The following CLNK variants were observed in gnomAD, a reference collection of about 807,000 sequenced individuals.
The protein encoded by CLNK is cytokine-dependent hematopoietic cell linker.
CLNK carries 74 observed loss-of-function variants against 68.6 expected under a neutral mutation model. The observed-to-expected ratio is 1.08, with a 90% CI of 0.89 to 1.31. The LOEUF (loss-of-function observed/expected upper bound fraction) is 1.31, where lower values mean the gene tolerates loss of function less well. Ranked by LOEUF, CLNK falls within the 50% of genes most tolerant of loss-of-function variation. CLNK has a pLI of 0.00. For missense variants in CLNK, 553 were observed against 515.3 expected, an observed-to-expected ratio of 1.07 and a Z score of -0.71; for synonymous variants, 198 against 172.2, an observed-to-expected ratio of 1.15 and a Z score of -1.17.
At chr4:10,699,295 C>CACACATACACACCACGTATGTGTGTAT in the CLNK span, among the ~76,000 whole-genome samples, 2 of 80,566 alleles carry the variant, frequency 2.5e-5, no homozygotes, top group South Asian at 3.9e-4. Flanking sequence ...CGTGTATACA[C>CACACATACACACCACGTATGTGTGTAT]ACACACACCA....
At chr4:10,534,387 A>T (rs1718660670) in intron 11 of CLNK, among the ~76,000 whole-genome samples, 1 of 152,208 alleles carries the variant, frequency 6.6e-6, no homozygotes, top group Non-Finnish European at 1.5e-5. Flanking sequence ...TCCTATGCAT[A>T]AGAGGTCCTC....
chr4:10,657,742 C>G (rs1027807443), intron 2 of CLNK, among the ~76,000 whole-genome samples: 1 of 152,158 alleles, frequency 6.6e-6, no homozygotes, highest in African/African-American at 2.4e-5. Flanking sequence ...TCCAGACGGC[C>G]AACACAGGAT....
At chr4:10,498,240 C>A (rs1207487136) in intron 18 of CLNK, among the ~76,000 whole-genome samples, 2 of 152,090 alleles carry the variant, frequency 1.3e-5, no homozygotes, top group African/African-American at 4.8e-5. Context: ...GCCTGTAATC[C>A]CAGCACTCTG....
intron 2 of CLNK, among the ~76,000 whole-genome samples, chr4:10,660,144 C>A (rs1017117781): frequency 3.3e-5 from 5 of 152,198 alleles, no homozygotes; most frequent in Non-Finnish European, 5.9e-5. Context: ...GTTTAGTTCA[C>A]AATATTTCCT....
the CLNK span, among the ~76,000 whole-genome samples, chr4:10,695,486 CA>C: frequency 1.3e-5 from 2 of 152,220 alleles, no homozygotes; most frequent in Non-Finnish European, 2.9e-5. Context: ...TGGCCAACTC[CA>C]AGCCCTTCCA....
At chr4:10,522,114 C>T (rs1256957596) in intron 14 of CLNK, among the ~76,000 whole-genome samples, 1 of 151,564 alleles carries the variant, frequency 6.6e-6, no homozygotes, top group Non-Finnish European at 1.5e-5. Flanking sequence ...AAAAATTAGC[C>T]GGGCATGGTG....
At chr4:10,588,708 A>G (rs1560230500) in intron 3 of CLNK, among the ~76,000 whole-genome samples, 1 of 152,238 alleles carries the variant, frequency 6.6e-6, no homozygotes, top group Non-Finnish European at 1.5e-5. Context: ...ATGAGGTTGG[A>G]TATAAGTATA....
At chr4:10,500,023 G>A (rs1427823920) in intron 18 of CLNK, among the ~76,000 whole-genome samples, 8 of 152,132 alleles carry the variant, frequency 5.3e-5, no homozygotes, top group East Asian at 1.9e-4. Flanking sequence ...AGGGAGGCAC[G>A]ATTCAGCCTA....
chr4:10,490,656 T>C (rs773251936), intron 18 of CLNK, 43 bp from the exon 19 acceptor site: 9 of 1,514,820 alleles, frequency 5.9e-6, no homozygotes, highest in African/African-American at 2.8e-5. Context: ...AAAATATCTT[T>C]TGTGTCTGTA....
intron 17 of CLNK, among the ~76,000 whole-genome samples, chr4:10,505,013 A>G (rs1362053479): frequency 6.6e-6 from 1 of 152,188 alleles, no homozygotes; most frequent in Non-Finnish European, 1.5e-5. Flanking sequence ...TGACATGCAT[A>G]TTGCTTTTCC....
At chr4:10,733,153 C>T in the CLNK span, among the ~76,000 whole-genome samples, 1 of 152,094 alleles carries the variant, frequency 6.6e-6, no homozygotes, top group African/African-American at 2.4e-5. Flanking sequence ...CCACAGCTTC[C>T]TGTCTCCTCA....
chr4:10,696,494 A>G, the CLNK span, among the ~76,000 whole-genome samples: 1 of 152,172 alleles, frequency 6.6e-6, no homozygotes, highest in East Asian at 1.9e-4. Flanking sequence ...ACGGCAGTCT[A>G]GGGGAGCTGA....
At chr4:10,496,835 A>G (rs1229378192) in intron 18 of CLNK, among the ~76,000 whole-genome samples, 1 of 152,254 alleles carries the variant, frequency 6.6e-6, no homozygotes, top group African/African-American at 2.4e-5. Context: ...GGCGAACACC[A>G]AGTAACCAAT....
chr4:10,697,410 A>T, the CLNK span: 1 of 152,016 alleles, frequency 6.6e-6, no homozygotes, highest in Non-Finnish European at 1.5e-5. Context: ...AATGAGGAAG[A>T]CTCTGCTGGA....
chr4:10,552,477 A>G (rs530795152), intron 8 of CLNK, among the ~76,000 whole-genome samples: 1 of 152,126 alleles, frequency 6.6e-6, no homozygotes, highest in South Asian at 2.1e-4. Context: ...CTTTGGAGAT[A>G]TCTTTCCCAG....
intron 4 of CLNK, among the ~76,000 whole-genome samples, chr4:10,582,246 T>A (rs1269627235): frequency 6.6e-6 from 1 of 152,182 alleles, no homozygotes; most frequent in East Asian, 1.9e-4. Flanking sequence ...CATTGCAGCA[T>A]CTGGAAACAG....
At chr4:10,609,346 A>G (rs986302439) in intron 2 of CLNK, among the ~76,000 whole-genome samples, 1 of 152,240 alleles carries the variant, frequency 6.6e-6, no homozygotes, top group Non-Finnish European at 1.5e-5. Context: ...GTCAGGAGGT[A>G]GCCCATTCTC....
chr4:10,674,224 G>C (rs1011482002), intron 1 of CLNK, among the ~76,000 whole-genome samples: 1 of 150,446 alleles, frequency 6.6e-6, no homozygotes, highest in Non-Finnish European at 1.5e-5. Flanking sequence ...AGAAGGAGAC[G>C]TGTTGGGTGG....
intron 2 of CLNK, among the ~76,000 whole-genome samples, chr4:10,614,455 T>C (rs1035899108): frequency 6.6e-6 from 1 of 152,130 alleles, no homozygotes; most frequent in Non-Finnish European, 1.5e-5. Flanking sequence ...TTCTAGAAGG[T>C]TGAATATCAT....
Sources: allele counts gnomAD v4.1 joint callset (sites outside exome capture counted in the v4.1 genomes callset), GRCh38; gene constraint gnomAD v4.1.1; transcripts MANE v1.5; gene names NCBI Gene and HGNC (gene_info 2026-07-23, HGNC 2026-07-21).